TENM2: variants seen among roughly 807,000 people sequenced by gnomAD.
TENM2 encodes the protein teneurin-2.
TENM2 carries 52 observed loss-of-function variants against 245.2 expected under a neutral mutation model. The ratio of observed to expected loss-of-function variants is 0.21; its 90% confidence interval spans 0.17 to 0.27. The LOEUF is 0.27. TENM2 is among the 10% of genes least tolerant of loss of function. The pLI is 1.00. For missense variants in TENM2, 3,046 were observed against 3,666.8 expected, an observed-to-expected ratio of 0.83 and a Z score of 4.37; for synonymous variants, 1,363 against 1,438.9, an observed-to-expected ratio of 0.95 and a Z score of 1.19.
chr5:167,239,579 C>T, the TENM2 span, among the ~76,000 whole-genome samples: 14 of 152,274 alleles, frequency 9.2e-5, no homozygotes, highest in East Asian at 2.7e-3. Flanking sequence ...ATCACACCAA[C>T]GAGGTACCTT....
At chr5:167,384,786 A>G (rs1348897239) in intron 2 of TENM2, among the ~76,000 whole-genome samples, 4 of 152,244 alleles carry the variant, frequency 2.6e-5, no homozygotes, top group East Asian at 1.9e-4. Flanking sequence ...GCAGTAGTCC[A>G]GGTAGAAGGA....
At chr5:168,116,657 A>C (rs1393892130) in intron 9 of TENM2, among the ~76,000 whole-genome samples, 1 of 152,228 alleles carries the variant, frequency 6.6e-6, no homozygotes, top group Non-Finnish European at 1.5e-5. Flanking sequence ...AATGATAAAC[A>C]TAGTCCCTGT....
the TENM2 span, among the ~76,000 whole-genome samples, chr5:167,161,161 A>T: frequency 3.9e-5 from 6 of 152,194 alleles, no homozygotes; most frequent in Non-Finnish European, 8.8e-5. Context: ...TAATATGCAA[A>T]TGTGCATTGT....
chr5:167,584,879 G>C (rs1315906214), intron 2 of TENM2, among the ~76,000 whole-genome samples: 1 of 151,472 alleles, frequency 6.6e-6, no homozygotes, highest in East Asian at 1.9e-4. Flanking sequence ...ATTTTTAGTA[G>C]ATTTGGGGCT....
At chr5:167,250,416 A>C in the TENM2 span, among the ~76,000 whole-genome samples, 1 of 152,170 alleles carries the variant, frequency 6.6e-6, no homozygotes, top group South Asian at 2.1e-4. Flanking sequence ...ATGTTGAAAT[A>C]ATTGTATTTT....
chr5:167,634,511 A>G (rs1360225167), intron 2 of TENM2, among the ~76,000 whole-genome samples: 2 of 151,926 alleles, frequency 1.3e-5, no homozygotes, highest in East Asian at 1.9e-4. Context: ...GAGACTCAGA[A>G]AAGTTAAATG....
In TENM2 at chr5:168,118,427, C is replaced by T. The variant is rs772886209; in HGVS notation, c.1949C>T (p.Ser650Phe). Residue 650 changes from serine (S) to phenylalanine (F), a missense_variant, in exon 10 of 29, where the codon TCC (serine) becomes TTC (phenylalanine). Transcript: ENST00000518659. ...GATCCTTCCTGCGGGGGCCACGGCT[C>T]CTGCATTGATGGGAACTGTGTCTGC... 9 of 1,610,160 alleles carry T rather than the reference C, an allele frequency of 5.6e-6. No homozygotes were observed. In the South Asian group the frequency reaches 7.7e-5, roughly 14 times the overall value.
intron 2 of TENM2, among the ~76,000 whole-genome samples, chr5:167,730,674 T>C (rs922772035): frequency 8.5e-5 from 13 of 152,254 alleles, no homozygotes; most frequent in African/African-American, 3.1e-4. Flanking sequence ...TTCTGTGGAC[T>C]TCTTATGACT....
intron 2 of TENM2, among the ~76,000 whole-genome samples, chr5:167,865,136 A>G (rs1185517835): frequency 6.6e-6 from 1 of 152,222 alleles, no homozygotes; most frequent in Non-Finnish European, 1.5e-5. Context: ...CAGACAACTC[A>G]GTAAGTGACA....
chr5:167,420,227 G>A (rs1278883800), intron 2 of TENM2, among the ~76,000 whole-genome samples: 1 of 152,184 alleles, frequency 6.6e-6, no homozygotes, highest in Non-Finnish European at 1.5e-5. Context: ...TGTAGGCTAT[G>A]AGACCTTTTA....
intron 2 of TENM2, among the ~76,000 whole-genome samples, chr5:167,602,730 A>C (rs2127731827): frequency 6.6e-6 from 1 of 152,348 alleles, no homozygotes; most frequent in Non-Finnish European, 1.5e-5. Context: ...AGAAGGAGAA[A>C]AAGACAAGGA....
At chr5:168,215,682 A>C (rs1454519959) in intron 21 of TENM2, among the ~76,000 whole-genome samples, 4 of 152,352 alleles carry the variant, frequency 2.6e-5, no homozygotes, top group South Asian at 2.1e-4. Context: ...AAAGAAAAAG[A>C]AAACCTTATT....
the TENM2 span, among the ~76,000 whole-genome samples, chr5:167,169,808 T>G: frequency 1.2e-3 from 177 of 152,354 alleles, no homozygotes; most frequent in African/African-American, 3.7e-3. Context: ...AAGGTGTTTG[T>G]TGTTCCATGC....
chr5:167,080,453 A>T, the TENM2 span, among the ~76,000 whole-genome samples: 5 of 152,162 alleles, frequency 3.3e-5, no homozygotes, highest in East Asian at 3.9e-4. Context: ...CATTTCAAAG[A>T]TGTTCCTGAA....
chr5:168,244,272 A>G lies in TENM2; in HGVS notation c.5521-148A>G, dbSNP rs1273352535. The G allele has an allele frequency of 1.7e-5, 11 of 640,558 alleles. No individual in the cohort carries two copies. The highest frequency in any genetic ancestry group is 2.1e-5 in the Non-Finnish European group (9 of 423,434). 39.7% of individuals were successfully genotyped at this position (640,558 alleles called of 1,614,324 possible). ...ATTTTCTATCTGTGCCATGATAAGG[A>G]GCTTAGAAAGCACTACTCTAACTTT... On this transcript the variant is annotated intron_variant, in intron 25 of 28. Transcript: ENST00000518659. This position sits in a 1 kb window ranked among gnomAD's most constrained non-coding sequence, Gnocchi z 4.9.
chr5:167,027,223 A>G, the TENM2 span, among the ~76,000 whole-genome samples: 14 of 152,170 alleles, frequency 9.2e-5, no homozygotes, highest in South Asian at 2.1e-4. Context: ...CTAAGGAATT[A>G]TTTCACATTT....
chr5:167,088,520 A>G, the TENM2 span, among the ~76,000 whole-genome samples: 1 of 152,106 alleles, frequency 6.6e-6, no homozygotes, highest in Non-Finnish European at 1.5e-5. Context: ...CCAGCTACTC[A>G]AGAGGCTGAG....
intron 2 of TENM2, among the ~76,000 whole-genome samples, chr5:167,829,500 T>G (rs1487053072): frequency 1.3e-5 from 2 of 152,232 alleles, no homozygotes; most frequent in African/African-American, 4.8e-5. Flanking sequence ...CATTCTTTTG[T>G]CAATTTCGTG....
the TENM2 span, among the ~76,000 whole-genome samples, chr5:167,029,421 T>A: frequency 1.3e-5 from 2 of 152,208 alleles, no homozygotes; most frequent in African/African-American, 4.8e-5. Context: ...GTGAAATTGA[T>A]GCTTTAGTTT....
Sources: allele counts gnomAD v4.1 joint callset (sites outside exome capture counted in the v4.1 genomes callset), GRCh38; gene constraint gnomAD v4.1.1; non-coding constraint Gnocchi (gnomAD v3.1); transcripts MANE v1.5; gene names NCBI Gene and HGNC (gene_info 2026-07-23, HGNC 2026-07-21).